The following CHLSN variants were observed in gnomAD, a reference collection of about 807,000 sequenced individuals.
CHLSN encodes cholesin.
the CHLSN span, chr7:988,506 C>T: frequency 3.8e-5 from 61 of 1,600,040 alleles, no homozygotes; most frequent in African/African-American, 7.3e-4. Context: ...CCTCTGCACC[C>T]ACCTCCTGAT....
At chr7:1,016,136 C>CCAGCGCACAGCAGCACA in the CHLSN span, among the ~76,000 whole-genome samples, 2 of 65,306 alleles carry the variant, frequency 3.1e-5, no homozygotes, top group Non-Finnish European at 5.5e-5. Flanking sequence ...GCAGCACACG[C>CCAGCGCACAGCAGCACA]CAGCACACAG....
At chr7:1,125,405 C>G in the CHLSN span, among the ~76,000 whole-genome samples, 2 of 152,200 alleles carry the variant, frequency 1.3e-5, no homozygotes, top group Admixed American at 6.5e-5. Flanking sequence ...GCCCCAGGCA[C>G]GAGACCTCCA....
At chr7:1,137,667 G>A in the CHLSN span, 1 of 152,142 alleles carries the variant, frequency 6.6e-6, no homozygotes, top group Non-Finnish European at 1.5e-5. Context: ...AATTATCCGG[G>A]TGTGGTGGCG....
At chr7:1,090,438 G>A in the CHLSN span, among the ~76,000 whole-genome samples, 2 of 151,550 alleles carry the variant, frequency 1.3e-5, no homozygotes, top group African/African-American at 4.9e-5. Context: ...GCAGGTGACA[G>A]GACCTCCCCA....
At chr7:1,067,795 CT>C in the CHLSN span, among the ~76,000 whole-genome samples, 1 of 133,822 alleles carries the variant, frequency 7.5e-6, no homozygotes, top group African/African-American at 2.9e-5. Flanking sequence ...TTCACACAGG[CT>C]GGAGTGCACC....
chr7:1,000,383 A>G, the CHLSN span: 1 of 1,137,104 alleles, frequency 8.8e-7, no homozygotes, highest in Non-Finnish European at 1.2e-6. Flanking sequence ...CGCCGTGCAC[A>G]CACCTCAGCC....
At chr7:1,009,985 G>T in the CHLSN span, 2 of 1,586,088 alleles carry the variant, frequency 1.3e-6, no homozygotes. Context: ...CGGCCCCCGA[G>T]CGCCTGGCAG....
At chr7:1,028,259 T>C in the CHLSN span, 2 of 1,094,798 alleles carry the variant, frequency 1.8e-6, no homozygotes, top group Non-Finnish European at 2.2e-6. Context: ...CGCACTGACC[T>C]CTGACCCGGC....
At chr7:1,014,194 G>A in the CHLSN span, among the ~76,000 whole-genome samples, 1 of 152,242 alleles carries the variant, frequency 6.6e-6, no homozygotes, top group Non-Finnish European at 1.5e-5. Context: ...AAACCCTACA[G>A]GCTGGGAGGA....
At chr7:1,079,631 T>C in the CHLSN span, among the ~76,000 whole-genome samples, 137 of 152,294 alleles carry the variant, frequency 9.0e-4, 2 homozygotes, top group African/African-American at 3.2e-3. Flanking sequence ...TGTAGACGTG[T>C]GACGGGAAGT....
chr7:1,073,031 G>A, the CHLSN span, among the ~76,000 whole-genome samples: 1 of 152,262 alleles, frequency 6.6e-6, no homozygotes, highest in South Asian at 2.1e-4. Flanking sequence ...AAAACAATGT[G>A]CCCAGTATTG....
chr7:1,107,479 T>C, the CHLSN span, among the ~76,000 whole-genome samples: 1 of 152,204 alleles, frequency 6.6e-6, no homozygotes, highest in Non-Finnish European at 1.5e-5. Flanking sequence ...CTACAGAGAA[T>C]AAGACCATGA....
the CHLSN span, among the ~76,000 whole-genome samples, chr7:993,265 GGGCGCATGGCACAC>G: frequency 2.0e-5 from 3 of 152,240 alleles, no homozygotes; most frequent in African/African-American, 7.2e-5. Context: ...AGCCACTGGA[GGGCGCATGGCACAC>G]GGCGCCCGGC....
chr7:1,024,125 G>A, the CHLSN span, among the ~76,000 whole-genome samples: 6,902 of 152,242 alleles, frequency 0.045, 529 homozygotes, highest in African/African-American at 0.16. Context: ...TCAAACTCCT[G>A]GGCCACAGCG....
At chr7:1,011,291 A>G in the CHLSN span, among the ~76,000 whole-genome samples, 1 of 138,918 alleles carries the variant, frequency 7.2e-6, no homozygotes, top group Admixed American at 7.2e-5. Context: ...CCACACATAG[A>G]CCAACACCCA....
the CHLSN span, among the ~76,000 whole-genome samples, chr7:1,046,519 C>A: frequency 2.3e-3 from 353 of 152,274 alleles, 2 homozygotes; most frequent in African/African-American, 7.8e-3. Context: ...AGGCTCAGGA[C>A]CCCAAGACAC....
At chr7:993,634 G>A in the CHLSN span, among the ~76,000 whole-genome samples, 13 of 152,288 alleles carry the variant, frequency 8.5e-5, no homozygotes, top group South Asian at 1.7e-3. Flanking sequence ...ACAATTAGCC[G>A]GGTGTAGTGG....
the CHLSN span, among the ~76,000 whole-genome samples, chr7:1,033,146 A>G: frequency 6.6e-6 from 1 of 152,192 alleles, no homozygotes; most frequent in African/African-American, 2.4e-5. Context: ...AAAACTACGG[A>G]CTAATATCCC....
At chr7:1,052,574 C>A in the CHLSN span, among the ~76,000 whole-genome samples, 5 of 152,142 alleles carry the variant, frequency 3.3e-5, no homozygotes, top group South Asian at 1.0e-3. The surrounding 1 kb of genome is among the most constrained non-coding windows in gnomAD (Gnocchi z 4.2). Flanking sequence ...ACGGCCTGGC[C>A]TGGGAGGGTG....
Sources: allele counts gnomAD v4.1 joint callset (sites outside exome capture counted in the v4.1 genomes callset), GRCh38; gene constraint gnomAD v4.1.1; non-coding constraint Gnocchi (gnomAD v3.1); transcripts MANE v1.5; gene names NCBI Gene and HGNC (gene_info 2026-07-23, HGNC 2026-07-21).